The following ADAMTS5 variants were observed in gnomAD, a reference collection of about 807,000 sequenced individuals.
ADAMTS5 encodes the protein ADAM metallopeptidase with thrombospondin type 1 motif 5.
ADAMTS5 carries 54 observed loss-of-function variants against 81.4 expected under a neutral mutation model. The observed-to-expected ratio is 0.66, with a 90% CI of 0.53 to 0.83. ADAMTS5 has a LOEUF of 0.83. Ranked by LOEUF, ADAMTS5 falls within the 40% of genes least tolerant of loss-of-function variation. The pLI, the probability that ADAMTS5 is intolerant of heterozygous loss-of-function variation, is 0.00. For missense variants in ADAMTS5, 1,194 were observed against 1,229.9 expected, an observed-to-expected ratio of 0.97 and a Z score of 0.44; for synonymous variants, 532 against 508.8, an observed-to-expected ratio of 1.05 and a Z score of -0.61.
rs537114850 is a variant in ADAMTS5 at position 26,966,288 on chromosome 21, G to A, written c.104C>T (p.Pro35Leu). The A allele has an allele frequency of 2.4e-5, 37 of 1,551,482 alleles. No individual in the cohort carries two copies. The highest frequency in any genetic ancestry group is 3.1e-5 in the Non-Finnish European group (36 of 1,154,210). Residue 35 changes from proline to leucine, a missense_variant, in exon 1 of 8, where the codon CCG (proline) becomes CTG (leucine). This residue lies in a region of ADAMTS5 where 498 missense variants were observed against 412.3 expected (regional missense o/e 1.21). Coordinates refer to ENST00000284987, the MANE Select transcript of ADAMTS5 (RefSeq NM_007038.5). ...GGGCTGGGCGGCTGCTGCAGCAGTCGGAGGCTGCCCGGCTTTATCCTGGGC... is the reference window on the plus strand; with the variant it reads ...GGGCTGGGCGGCTGCTGCAGCAGTCAGAGGCTGCCCGGCTTTATCCTGGGC... ...TPAQDKAGQP[P>L]TAAAAAQPRR...
At chr21:26,931,612 G>C (rs1449925948) in intron 6 of ADAMTS5, among the ~76,000 whole-genome samples, 1 of 152,148 alleles carries the variant, frequency 6.6e-6, no homozygotes, top group Non-Finnish European at 1.5e-5. Context: ...CTCATCAAAG[G>C]AATTCTTAAG....
intron 3 of ADAMTS5, among the ~76,000 whole-genome samples, chr21:26,936,393 T>TTGTATCCCAGTATCCCAG (rs1358734482): frequency 2.0e-5 from 3 of 152,170 alleles, no homozygotes; most frequent in African/African-American, 7.2e-5. Context: ...GCAATGGTAG[T>TTGTATCCCAGTATCCCAG]TGTATCCCAG....
In ADAMTS5 at chr21:26,923,995, C is replaced by T. The variant is rs891808331; in HGVS notation, c.*58G>A. 15 of 1,507,134 alleles carry T rather than the reference C, an allele frequency of 1.0e-5. No individual in the cohort carries two copies. In the East Asian group the frequency reaches 1.1e-4, roughly 12 times the overall value. 93.4% of individuals were successfully genotyped at this position (1,507,134 alleles called of 1,614,324 possible). On this transcript the variant is annotated 3_prime_UTR_variant, in exon 8 of 8. Coordinates refer to ENST00000284987, the MANE Select transcript of ADAMTS5 (RefSeq NM_007038.5). ...CGTTAGGTAGACCTCCTGTTCACCA[C>T]GACTGCATCAGTGCTGAATCCTCCA... is the stretch of plus-strand genomic sequence containing the variant.
At chr21:26,930,520 T>C (rs1053180137) in intron 6 of ADAMTS5, among the ~76,000 whole-genome samples, 1 of 152,190 alleles carries the variant, frequency 6.6e-6, no homozygotes, top group East Asian at 1.9e-4. Context: ...AACTGTGTCA[T>C]GGTTGGAGAG....
rs781048708 is a variant in ADAMTS5 at position 26,924,480 on chromosome 21, T to C, written c.2366A>G (p.Lys789Arg). 1.2e-6 allele frequency: 2 copies of C among 1,614,208 alleles called. No homozygotes were observed. The highest frequency in any genetic ancestry group is 1.1e-5 in the South Asian group (1 of 91,086). Reference sequence around the variant, plus strand: ...AGTCTCTGAAGTGGAGATCATGTACTTTCCATTGATAAGGTACTCACCGTT... The same window carrying C: ...AGTCTCTGAAGTGGAGATCATGTACCTTCCATTGATAAGGTACTCACCGTT... ...KKNGEYLING[K>R]YMISTSETII... Residue 789 changes from lysine to arginine, a missense_variant, in exon 8 of 8, where the codon AAG (lysine) becomes AGG (arginine). Around this residue, in one of 2 missense-constraint regions of ADAMTS5, gnomAD observed 696 missense variants for 817.6 expected, o/e 0.85. Coordinates refer to ENST00000284987, the MANE Select transcript of ADAMTS5 (RefSeq NM_007038.5).
At chr21:26,955,895 T>A (rs1466893085) in intron 1 of ADAMTS5, among the ~76,000 whole-genome samples, 1 of 152,186 alleles carries the variant, frequency 6.6e-6, no homozygotes, top group East Asian at 1.9e-4. Flanking sequence ...GTTTTAAAAA[T>A]ATACTAATTA....
At chr21:26,964,377 C>G (rs1259723620) in intron 1 of ADAMTS5, among the ~76,000 whole-genome samples, 1 of 152,184 alleles carries the variant, frequency 6.6e-6, no homozygotes, top group Admixed American at 6.5e-5. Context: ...AGCCTCTGAG[C>G]CTTAAAGATC....
chr21:26,929,039 T>C (rs1038776375), intron 7 of ADAMTS5, among the ~76,000 whole-genome samples: 5 of 152,310 alleles, frequency 3.3e-5, no homozygotes, highest in Admixed American at 6.5e-5. Context: ...TCAGAATAAA[T>C]TTTTCAGCCA....
At chr21:26,929,793 G>A in intron 7 of ADAMTS5, 93 bp downstream of exon 7, 3 of 1,303,414 alleles carry the variant, frequency 2.3e-6, no homozygotes, top group Non-Finnish European at 3.2e-6. Flanking sequence ...CATACAGATA[G>A]CTTATGATGT....
intron 1 of ADAMTS5, among the ~76,000 whole-genome samples, chr21:26,956,549 A>G (rs768232127): frequency 1.3e-5 from 2 of 152,198 alleles, no homozygotes; most frequent in Non-Finnish European, 2.9e-5. Flanking sequence ...ATAATGTAGC[A>G]CAATACATTT....
At chr21:26,934,853 G>A in intron 3 of ADAMTS5, 104 bp from the exon 4 acceptor site, 2 of 1,460,890 alleles carry the variant, frequency 1.4e-6, no homozygotes, top group Non-Finnish European at 9.3e-7. Context: ...GGAGCACGAG[G>A]CACCCATGAA....
At chr21:26,962,718 A>C (rs1362875848) in intron 1 of ADAMTS5, among the ~76,000 whole-genome samples, 2 of 152,206 alleles carry the variant, frequency 1.3e-5, no homozygotes, top group East Asian at 3.8e-4. Context: ...CTTACATTCA[A>C]AACAGAGTTG....
intron 3 of ADAMTS5, among the ~76,000 whole-genome samples, chr21:26,941,193 T>A (rs144013664): frequency 2.6e-5 from 4 of 152,088 alleles, no homozygotes; most frequent in Non-Finnish European, 4.4e-5. Context: ...AAAGTCTAGA[T>A]TGGATGAAAA....
Position 26,966,504 on chromosome 21 carries a change from T to C in ADAMTS5, c.-113A>G, listed in dbSNP as rs1987678919. 2 of 1,176,678 alleles carry C rather than the reference T, an allele frequency of 1.7e-6. No homozygotes were observed. The highest frequency in any genetic ancestry group is 1.1e-6 in the Non-Finnish European group (1 of 904,752). 72.9% of individuals were successfully genotyped at this position (1,176,678 alleles called of 1,614,324 possible). On this transcript the variant is annotated 5_prime_UTR_variant, in exon 1 of 8. Transcript: ENST00000284987. ...GACACACACACACTTGCTTGCAGGA[T>C]TGAGTCAAGTGTCGGAGGGAGGGGG...
chr21:26,965,465 GT>G lies in ADAMTS5; in HGVS notation c.926del (p.Asn309ThrfsTer8), dbSNP rs781703324. On this transcript the variant is annotated frameshift_variant, in exon 1 of 8. Coordinates refer to ENST00000284987, the MANE Select transcript of ADAMTS5 (RefSeq NM_007038.5). LOFTEE classifies it high-confidence loss of function. The part of the protein sequence containing the change: ...NRLYSHASIE[N>X]HIRLAVVKVV... The stretch of plus-strand genomic sequence containing the variant: ...CCTTCACCACGGCCAGGCGGATGTG[GT>G]TCTCGATGCTAGCATGGCTGTACAG... The G allele has an allele frequency of 3.1e-6, 5 of 1,614,268 alleles. No individual in the cohort carries two copies. Among genetic ancestry groups the G allele is most frequent in the Non-Finnish European group, 4.2e-6 (5 of 1,180,052 alleles).
At position 26,934,663 on chromosome 21, in the gene ADAMTS5, T is replaced by G. The variant is rs1275691521; in HGVS notation, c.1492A>C (p.Asn498His). 8.1e-6 allele frequency: 13 copies of G among 1,614,092 alleles called. No homozygotes were observed. The change falls in exon 4 of 8, where the codon AAC becomes CAC. Residue 498 changes from asparagine (N) to histidine (H), a missense_variant. By Grantham distance (68) the Asn-to-His change is moderately conservative (BLOSUM62 1). This residue lies in a region of ADAMTS5 where 696 missense variants were observed against 817.6 expected (regional missense o/e 0.85). Coordinates refer to ENST00000284987, the MANE Select transcript of ADAMTS5 (RefSeq NM_007038.5). ...GAGTACTCAGGCCCGAATGTCAGGT[T>G]GCACTGCTGGGTGGCATCGTAGGTC... is the stretch of plus-strand genomic sequence containing the variant. ...GQTYDATQQC[N>H]LTFGPEYSVC...
In ADAMTS5 at chr21:26,965,911, C is replaced by T. The variant is rs145627700; in HGVS notation, c.481G>A (p.Ala161Thr). The change falls in exon 1 of 8, where the codon GCG (alanine) becomes ACG (threonine). Residue 161 changes from alanine to threonine, a missense_variant. Physicochemically the swap from Ala to Thr is moderately conservative, Grantham distance 58. This residue lies in a region of ADAMTS5 where 498 missense variants were observed against 412.3 expected (regional missense o/e 1.21). Coordinates refer to ENST00000284987, the MANE Select transcript of ADAMTS5 (RefSeq NM_007038.5). ...AGCAGTGGCTTTAGGGTGTAGCGCG[C>T]GTGCTTGACCGCGAAGAAGCCGTCG... ...GLDGFFAVKH[A>T]RYTLKPLLRG... 53 of 1,613,862 alleles carry T rather than the reference C, an allele frequency of 3.3e-5. No individual in the cohort carries two copies. The East Asian group carries it at 9.1e-4, about 28-fold the overall frequency.
chr21:26,929,833 A>G, intron 7 of ADAMTS5, 53 bp downstream of exon 7: 1 of 1,549,410 alleles, frequency 6.5e-7, no homozygotes, highest in Non-Finnish European at 8.8e-7. Flanking sequence ...CAATTCTGCA[A>G]GAGTCTAAAG....
intron 7 of ADAMTS5, among the ~76,000 whole-genome samples, chr21:26,929,191 T>C (rs1420930205): frequency 2.0e-5 from 3 of 152,188 alleles, no homozygotes; most frequent in Admixed American, 1.3e-4. Flanking sequence ...AGAATACAGA[T>C]ACATTTGACT....
Sources: gnomAD v4.1 joint callset for allele counts (sites outside exome capture counted in the v4.1 genomes callset) on GRCh38, gnomAD v4.1.1 for gene constraint, gnomAD v4.1.1 regional missense constraint, MANE v1.5 for transcripts, NCBI Gene and HGNC (gene_info 2026-07-23, HGNC 2026-07-21) for gene names.